DPP6: variants seen among roughly 807,000 people sequenced by gnomAD.
The protein encoded by DPP6 is dipeptidyl peptidase like 6.
A neutral mutation model predicts 122.6 loss-of-function variants in DPP6; 69 were observed. The observed-to-expected ratio is 0.56, with a 90% CI of 0.46 to 0.69. The LOEUF (loss-of-function observed/expected upper bound fraction) is 0.69. Ranked by LOEUF, DPP6 falls within the 30% of genes least tolerant of loss-of-function variation. DPP6 has a pLI of 0.00. For missense variants in DPP6, 928 were observed against 1,116.9 expected (o/e 0.83, Z 2.41); for synonymous variants, 418 against 433.1 (o/e 0.97, Z 0.43).
chr7:154,522,021 G>A (rs1478911645), intron 3 of DPP6, among the ~76,000 whole-genome samples: 2 of 152,014 alleles, frequency 1.3e-5, no homozygotes, highest in African/African-American at 4.8e-5. Flanking sequence ...CTGGAGTGCA[G>A]TGGCGCGATC....
At chr7:154,218,473 A>G (rs944932379) in intron 1 of DPP6, among the ~76,000 whole-genome samples, 1 of 152,190 alleles carries the variant, frequency 6.6e-6, no homozygotes, top group East Asian at 1.9e-4. Flanking sequence ...AGATGGCCTC[A>G]TGCATGGGAA....
chr7:154,489,055 C>T (rs185505744), intron 3 of DPP6, among the ~76,000 whole-genome samples: 67 of 152,330 alleles, frequency 4.4e-4, no homozygotes, highest in Middle Eastern at 3.4e-3. Flanking sequence ...ATGAACAGCA[C>T]GGCTTGCTCT....
intron 16 of DPP6, among the ~76,000 whole-genome samples, chr7:154,812,032 G>A (rs1161217350): frequency 6.6e-6 from 1 of 152,196 alleles, no homozygotes; most frequent in Non-Finnish European, 1.5e-5. Context: ...ATTCAAAGCT[G>A]TTCATCCCGT....
chr7:154,824,888 C>T (rs1436265363), intron 16 of DPP6, among the ~76,000 whole-genome samples: 1 of 152,148 alleles, frequency 6.6e-6, no homozygotes, highest in Non-Finnish European at 1.5e-5. Flanking sequence ...TGGAGAGAAC[C>T]CCCGGTCTCT....
rs3807220 is a variant in DPP6, at chr7:154,670,737, C to T, written c.762+1296C>T. On this transcript the variant is annotated intron_variant, in intron 7 of 25. Transcript: ENST00000377770. ...AAATGATCGTATCTAAAAGCTCCCACAGAATTGTATCGGATAGGCTGTCAT... is the reference window on the plus strand; with the variant it reads ...AAATGATCGTATCTAAAAGCTCCCATAGAATTGTATCGGATAGGCTGTCAT... Among the ~76,000 whole-genome samples, 531 of 152,288 alleles carry T rather than the reference C, an allele frequency of 3.5e-3. 14 individuals carry two copies. The East Asian group carries it at 0.051, about 15-fold the overall frequency.
At chr7:154,339,652 A>G (rs1234992645) in intron 1 of DPP6, among the ~76,000 whole-genome samples, 1 of 148,452 alleles carries the variant, frequency 6.7e-6, no homozygotes, top group East Asian at 2.0e-4. Flanking sequence ...TTTTTTTTTC[A>G]TTGCATTGGG....
intron 1 of DPP6, among the ~76,000 whole-genome samples, chr7:154,212,415 A>G (rs1799788731): frequency 6.6e-6 from 1 of 152,240 alleles, no homozygotes. Flanking sequence ...TCACAAAACA[A>G]GGACTCTATT....
At chr7:154,382,095 T>TCTCTG (rs1813672369) in intron 1 of DPP6, among the ~76,000 whole-genome samples, 2 of 142,142 alleles carry the variant, frequency 1.4e-5, no homozygotes, top group South Asian at 4.5e-4. Flanking sequence ...TTTTCAATGA[T>TCTCTG]CTCTGCAGAA....
chr7:154,053,550 A>C (rs1460533146), intron 1 of DPP6, among the ~76,000 whole-genome samples: 1 of 148,538 alleles, frequency 6.7e-6, no homozygotes, highest in Non-Finnish European at 1.5e-5. Context: ...CTGTCCCTTG[A>C]CTCAAATGCC....
chr7:153,856,594 T>C, the DPP6 span, among the ~76,000 whole-genome samples: 1 of 152,256 alleles, frequency 6.6e-6, no homozygotes, highest in Admixed American at 6.5e-5. Context: ...AATTCTTTAC[T>C]GTGGGATTTC....
intron 1 of DPP6, among the ~76,000 whole-genome samples, chr7:153,935,170 G>T (rs1412449820): frequency 6.6e-6 from 1 of 152,062 alleles, no homozygotes; most frequent in Non-Finnish European, 1.5e-5. Context: ...CACTTGCTGG[G>T]CTCTGCGGGG....
At chr7:154,837,629 C>T (rs559821117) in intron 16 of DPP6, among the ~76,000 whole-genome samples, 45 of 152,318 alleles carry the variant, frequency 3.0e-4, no homozygotes, top group African/African-American at 7.0e-4. Flanking sequence ...GTGGGCGAGG[C>T]GCTCTTCCTT....
intron 1 of DPP6, among the ~76,000 whole-genome samples, chr7:154,123,297 C>A (rs1161421897): frequency 6.6e-6 from 1 of 152,150 alleles, no homozygotes; most frequent in African/African-American, 2.4e-5. Context: ...AATTTCAGGG[C>A]TTTCTTTGAA....
At chr7:154,354,288 T>A (rs1236653130) in intron 1 of DPP6, among the ~76,000 whole-genome samples, 1 of 152,248 alleles carries the variant, frequency 6.6e-6, no homozygotes. Context: ...CAACATTTCT[T>A]GAATATTGTC....
the DPP6 span, among the ~76,000 whole-genome samples, chr7:153,793,676 T>A: frequency 6.7e-6 from 1 of 149,526 alleles, no homozygotes; most frequent in South Asian, 2.2e-4. Context: ...CCAGGCCACA[T>A]CAGAGGTCTT....
At chr7:153,808,308 T>G in the DPP6 span, among the ~76,000 whole-genome samples, 4 of 142,746 alleles carry the variant, frequency 2.8e-5, no homozygotes, top group Non-Finnish European at 5.9e-5. Context: ...TCTGCGCACA[T>G]GTGTGCCTGT....
At chr7:154,866,317 T>C (rs568214010) in intron 17 of DPP6, among the ~76,000 whole-genome samples, 1 of 152,346 alleles carries the variant, frequency 6.6e-6, no homozygotes, top group South Asian at 2.1e-4. Flanking sequence ...GCCTGGAGCA[T>C]TGCATTAAAG....
chr7:154,484,578 C>G (rs2151376693), intron 3 of DPP6, among the ~76,000 whole-genome samples: 1 of 152,330 alleles, frequency 6.6e-6, no homozygotes, highest in East Asian at 1.9e-4. Flanking sequence ...TAGCTCCAGG[C>G]AGAGCTTGGC....
rs989497499 is a variant in DPP6, at chr7:154,833,928, C to T, written c.1667-19852C>T. The stretch of plus-strand genomic sequence containing the variant: ...GGCCTGGGCTAGGCCTGGATGGTCC[C>T]GGGGCTGCACGGATGTAGCTCATCT... On this transcript the variant is annotated intron_variant, in intron 16 of 25. Coordinates refer to ENST00000377770, the MANE Select transcript of DPP6 (RefSeq NM_130797.4). The surrounding 1 kb of genome is among the most constrained non-coding windows in gnomAD (Gnocchi z 4.3). Among the ~76,000 whole-genome samples, 3 of 152,054 alleles carry T rather than the reference C, an allele frequency of 2.0e-5. No homozygotes were observed. Among genetic ancestry groups the T allele is most frequent in the South Asian group, 2.1e-4 (1 of 4,804 alleles).
Sources: gnomAD v4.1 joint callset for allele counts (sites outside exome capture counted in the v4.1 genomes callset) on GRCh38, gnomAD v4.1.1 for gene constraint, Gnocchi (gnomAD v3.1) non-coding constraint, MANE v1.5 for transcripts, NCBI Gene and HGNC (gene_info 2026-07-23, HGNC 2026-07-21) for gene names.